The following MYT1L variants were observed in gnomAD, a reference collection of about 807,000 sequenced individuals.
The protein encoded by MYT1L is myelin transcription factor 1-like protein.
A neutral mutation model predicts 126.7 loss-of-function variants in MYT1L; 12 were observed. The ratio of observed to expected loss-of-function variants is 0.09; its 90% CI spans 0.06 to 0.15. The LOEUF is 0.15. Among genes scored for constraint, MYT1L ranks in the 10% least tolerant of loss-of-function variants. The pLI is 1.00. For missense variants in MYT1L, 979 were observed against 1,585.2 expected (o/e 0.62, Z 6.49); for synonymous variants, 541 against 604.2 (o/e 0.90, Z 1.53).
At chr2:1,844,780 T>A (rs2148452269) in intron 19 of MYT1L, among the ~76,000 whole-genome samples, 1 of 152,310 alleles carries the variant, frequency 6.6e-6, no homozygotes, top group Non-Finnish European at 1.5e-5. Context: ...AGGGCCCAGA[T>A]TTGAACCTAA....
rs1224428176 is a variant in MYT1L, at chr2:1,852,976, A to G, written c.2712-1273T>C. The stretch of plus-strand genomic sequence containing the variant: ...CTTACAGGTGGGCTTTCTCAAGATC[A>G]GAGGAGAATGGCAGGGATTAGAGTG... On this transcript the variant is annotated intron_variant, in intron 18 of 24. Transcript: ENST00000647738. This position sits in a 1 kb window ranked among gnomAD's most constrained non-coding sequence, Gnocchi z 4.0. Among the ~76,000 whole-genome samples the G allele has an allele frequency of 2.0e-5, 3 of 152,270 alleles. No individual in the cohort carries two copies. The highest frequency in any genetic ancestry group is 4.4e-5 in the Non-Finnish European group (3 of 68,054).
At chr2:1,855,770 T>C (rs1307896636) in intron 18 of MYT1L, among the ~76,000 whole-genome samples, 1 of 152,128 alleles carries the variant, frequency 6.6e-6, no homozygotes, top group African/African-American at 2.4e-5. Flanking sequence ...CCACACGAGC[T>C]GCCCCACGGA....
intron 3 of MYT1L, among the ~76,000 whole-genome samples, chr2:2,108,721 C>T (rs1378409902): frequency 6.6e-6 from 1 of 152,214 alleles, no homozygotes; most frequent in African/African-American, 2.4e-5. Context: ...TAAGACTTCT[C>T]ACTGATGCTT....
rs148347149 is a variant in MYT1L at position 2,124,493 on chromosome 2, A to G, written c.-304+48379T>C. On this transcript the variant is annotated intron_variant, in intron 3 of 24. Transcript: ENST00000647738. ...GTATTTTTAGTAGAGATGGGGTTTC[A>G]CCATGTTGCCCAGGCTGGTCTCGAA... 4.0e-3 allele frequency among the ~76,000 whole-genome samples: 611 copies of G among 151,960 alleles called. 4 individuals carry two copies. The highest frequency in any genetic ancestry group is 0.014 in the African/African-American group (583 of 41,442).
chr2:2,073,269 T>C (rs2074827178), intron 3 of MYT1L, among the ~76,000 whole-genome samples: 1 of 151,568 alleles, frequency 6.6e-6, no homozygotes, highest in South Asian at 2.1e-4. Flanking sequence ...CTGCACCATC[T>C]CATCTCCCAT....
intron 3 of MYT1L, among the ~76,000 whole-genome samples, chr2:2,117,161 C>T (rs1017198682): frequency 6.6e-6 from 1 of 152,232 alleles, no homozygotes; most frequent in Admixed American, 6.5e-5. Flanking sequence ...GCCAGAGCCA[C>T]GGAAACAATT....
rs749147824 is a variant in MYT1L, at chr2:1,839,193, G to A, written c.3036C>T (p.Cys1012=). The A allele has an allele frequency of 1.2e-6, 2 of 1,613,350 alleles. No individual in the cohort carries two copies. Among genetic ancestry groups the A allele is most frequent in the Admixed American group, 1.7e-5 (1 of 60,008 alleles). ...TGCCGCTGACGTGGCCTGAGCCGTC[G>A]CATCCTGGCGTGGGGCAGGACATGC... The part of the protein sequence containing the change: ...TEGMSCPTPG[C]DGSGHVSGSF... The change falls in exon 21 of 25, where the codon TGC becomes TGT. Residue 1012 remains cysteine, a synonymous_variant. Coordinates refer to ENST00000647738, the MANE Select transcript of MYT1L (RefSeq NM_001303052.2).
At chr2:2,302,799 T>C (rs2095803772) in intron 1 of MYT1L, among the ~76,000 whole-genome samples, 1 of 152,170 alleles carries the variant, frequency 6.6e-6, no homozygotes, top group Admixed American at 6.5e-5. Context: ...CAGTAATGGT[T>C]TGATGCGTGA....
At chr2:1,831,646 A>G (rs979985753) in intron 21 of MYT1L, among the ~76,000 whole-genome samples, 1 of 152,182 alleles carries the variant, frequency 6.6e-6, no homozygotes, top group Non-Finnish European at 1.5e-5. Flanking sequence ...AAATGAGCCC[A>G]GCATCGTTTT....
chr2:2,128,436 G>A (rs1198538175), intron 3 of MYT1L, among the ~76,000 whole-genome samples: 1 of 152,172 alleles, frequency 6.6e-6, no homozygotes. Flanking sequence ...ACAGGCATGA[G>A]CCACTACACC....
chr2:1,978,698 G>A (rs1024322367), intron 8 of MYT1L, among the ~76,000 whole-genome samples: 1 of 152,166 alleles, frequency 6.6e-6, no homozygotes, highest in African/African-American at 2.4e-5. Flanking sequence ...CCGTCCAGAT[G>A]TAAGAATGGG....
chr2:1,911,455 G>T (rs1166708514), intron 12 of MYT1L, among the ~76,000 whole-genome samples: 1 of 152,212 alleles, frequency 6.6e-6, no homozygotes, highest in African/African-American at 2.4e-5. Flanking sequence ...GCACAGGACA[G>T]GAAAAGAGAA....
chr2:2,217,285 C>T (rs187824963), intron 2 of MYT1L, among the ~76,000 whole-genome samples: 2 of 152,276 alleles, frequency 1.3e-5, no homozygotes, highest in Admixed American at 6.5e-5. Context: ...GTGAATCCAA[C>T]AGCGTATAAG....
intron 14 of MYT1L, among the ~76,000 whole-genome samples, chr2:1,900,999 C>T (rs942413636): frequency 3.3e-5 from 5 of 152,176 alleles, no homozygotes; most frequent in African/African-American, 9.7e-5. Flanking sequence ...ACTGCAGCCT[C>T]GCAAGGTCAG....
chr2:2,038,137 G>A (rs906249305), intron 4 of MYT1L, among the ~76,000 whole-genome samples: 6 of 152,288 alleles, frequency 3.9e-5, no homozygotes, highest in East Asian at 1.9e-4. Flanking sequence ...TGAATTAAAC[G>A]GCATTATTTT....
chr2:1,942,308 C>T (rs1460975357), intron 9 of MYT1L, among the ~76,000 whole-genome samples: 5 of 152,168 alleles, frequency 3.3e-5, no homozygotes, highest in South Asian at 2.1e-4. Flanking sequence ...GCCATGTCAC[C>T]GTAAACGCAC....
intron 2 of MYT1L, among the ~76,000 whole-genome samples, chr2:2,174,765 T>A (rs949560822): frequency 1.3e-5 from 2 of 152,102 alleles, no homozygotes; most frequent in African/African-American, 4.8e-5. Flanking sequence ...ATTCATCAAA[T>A]GTTATTGATT....
At chr2:2,099,646 C>G (rs112130955) in intron 3 of MYT1L, among the ~76,000 whole-genome samples, 13 of 152,258 alleles carry the variant, frequency 8.5e-5, no homozygotes, top group African/African-American at 2.9e-4. Context: ...CTTTTTGATT[C>G]ATTTTAAGCT....
intron 1 of MYT1L, among the ~76,000 whole-genome samples, chr2:2,296,183 A>G (rs1264514178): frequency 1.3e-5 from 2 of 152,242 alleles, no homozygotes; most frequent in Non-Finnish European, 2.9e-5. Context: ...TATAAAAGTC[A>G]CCTGAGGTGC....
Sources: gnomAD v4.1 joint callset for allele counts (sites outside exome capture counted in the v4.1 genomes callset) on GRCh38, gnomAD v4.1.1 for gene constraint, Gnocchi (gnomAD v3.1) non-coding constraint, MANE v1.5 for transcripts, NCBI Gene and HGNC (gene_info 2026-07-23, HGNC 2026-07-21) for gene names.